The following FAM135B variants were observed in gnomAD, a reference collection of about 807,000 sequenced individuals.
FAM135B encodes the protein family with sequence similarity 135 member B.
FAM135B carries 43 observed loss-of-function variants against 127.7 expected under a neutral mutation model. The observed-to-expected ratio is 0.34, with a 90% CI of 0.26 to 0.43. FAM135B has a LOEUF of 0.43. Among genes scored for constraint, FAM135B ranks in the 20% least tolerant of loss-of-function variants. The pLI, the probability that FAM135B is intolerant of heterozygous loss-of-function variation, is 1.00. For missense variants in FAM135B, 1,558 were observed against 1,725.6 expected (o/e 0.90, Z 1.72); for synonymous variants, 670 against 665.1 (o/e 1.01, Z -0.11).
chr8:138,473,830 C>CAGAG lies in FAM135B; in HGVS notation c.-20+22837_-20+22840dup, dbSNP rs35738290. On this transcript the variant is annotated intron_variant, in intron 1 of 19. Transcript: ENST00000395297. ...ATTTTTTATCCACTCATATGAGAGA[C>CAGAG]AGAGAGAGAGAGAGAGAGAGAGACT... 2.2e-4 allele frequency among the ~76,000 whole-genome samples: 32 copies of CAGAG among 148,316 alleles called. 1 individual carries two copies. In the South Asian group the frequency reaches 3.2e-3, roughly 15 times the overall value.
In FAM135B at chr8:138,151,598, T is replaced by C. The variant is rs1818154252; in HGVS notation, c.2877A>G (p.Ser959=). Residue 959 remains serine, a synonymous_variant, in exon 13 of 20, where the codon TCA becomes TCG. Transcript: ENST00000395297. ...NSTGQQSQSG[S]PCIMDDTAFN... Reference sequence around the variant, plus strand: ...ATGCTGTGTCATCCATAATGCAAGGTGAACCGCTTTGGCTTTGCTGGCCTG... The same window carrying C: ...ATGCTGTGTCATCCATAATGCAAGGCGAACCGCTTTGGCTTTGCTGGCCTG... The C allele has an allele frequency of 6.2e-7, 1 of 1,614,070 alleles. No individual in the cohort carries two copies. The highest frequency in any genetic ancestry group is 1.3e-5 in the African/African-American group (1 of 74,932).
intron 12 of FAM135B, 65 bp downstream of exon 12, chr8:138,167,830 T>A (rs1586665447): frequency 4.0e-6 from 6 of 1,509,280 alleles, no homozygotes; most frequent in Non-Finnish European, 5.4e-6. Flanking sequence ...AAACAAACTG[T>A]GCCATTGTCA....
At chr8:138,332,123 G>C (rs115366914) in intron 2 of FAM135B, among the ~76,000 whole-genome samples, 1 of 152,150 alleles carries the variant, frequency 6.6e-6, no homozygotes, top group Non-Finnish European at 1.5e-5. Context: ...CAAGGCTTAG[G>C]ATAGTACATC....
At chr8:138,328,256 A>C (rs1827942450) in intron 2 of FAM135B, among the ~76,000 whole-genome samples, 1 of 152,188 alleles carries the variant, frequency 6.6e-6, no homozygotes. Context: ...TTACAACTCT[A>C]AATGAATGCT....
intron 3 of FAM135B, 122 bp from the exon 4 acceptor site, chr8:138,265,964 G>A (rs1038547722): frequency 5.4e-5 from 55 of 1,017,954 alleles, no homozygotes; most frequent in Non-Finnish European, 7.2e-5. Context: ...AATTTCCAAA[G>A]CTTAAAATCA....
intron 9 of FAM135B, among the ~76,000 whole-genome samples, chr8:138,186,592 T>C (rs955143357): frequency 1.3e-5 from 2 of 151,874 alleles, no homozygotes; most frequent in African/African-American, 2.4e-5. Context: ...AACCAAGGAG[T>C]AGGCGGAAGC....
chr8:138,395,113 C>T (rs1832781183), intron 1 of FAM135B, among the ~76,000 whole-genome samples: 1 of 152,192 alleles, frequency 6.6e-6, no homozygotes, highest in South Asian at 2.1e-4. Flanking sequence ...TGCCTTTCTC[C>T]ACGCCTGTGA....
chr8:138,435,074 G>A (rs575954208), intron 1 of FAM135B, among the ~76,000 whole-genome samples: 40 of 152,320 alleles, frequency 2.6e-4, no homozygotes, highest in African/African-American at 7.0e-4. Context: ...TTGGGAGGCC[G>A]AGGCGGGTGG....
intron 1 of FAM135B, among the ~76,000 whole-genome samples, chr8:138,376,653 T>C (rs1831493556): frequency 6.6e-6 from 1 of 152,226 alleles, no homozygotes; most frequent in Non-Finnish European, 1.5e-5. Context: ...TTCCACAACA[T>C]GTGATCTTTC....
chr8:138,428,397 T>C (rs1164808235), intron 1 of FAM135B, among the ~76,000 whole-genome samples: 23 of 152,092 alleles, frequency 1.5e-4, no homozygotes, highest in Admixed American at 1.5e-3. Flanking sequence ...GATCCAGACA[T>C]CAAGCTGTCT....
At chr8:138,168,129 G>A (rs1043989161) in intron 11 of FAM135B, 80 bp from the exon 12 acceptor site, 3 of 1,454,060 alleles carry the variant, frequency 2.1e-6, no homozygotes, top group African/African-American at 2.9e-5. Flanking sequence ...CTAATCCCGG[G>A]AAAATACTCG....
At chr8:138,476,658 C>G (rs1052005095) in intron 1 of FAM135B, among the ~76,000 whole-genome samples, 4 of 152,062 alleles carry the variant, frequency 2.6e-5, no homozygotes, top group African/African-American at 7.2e-5. Context: ...AAAATATAAT[C>G]AGTATAACCC....
intron 1 of FAM135B, among the ~76,000 whole-genome samples, chr8:138,490,502 G>C (rs534384857): frequency 6.6e-6 from 1 of 152,288 alleles, no homozygotes; most frequent in East Asian, 1.9e-4. Flanking sequence ...ACAGACAGAC[G>C]GGTGGATAAG....
chr8:138,266,833 T>C (rs1327055617), intron 3 of FAM135B, among the ~76,000 whole-genome samples: 1 of 149,222 alleles, frequency 6.7e-6, no homozygotes, highest in Non-Finnish European at 1.5e-5. Context: ...TGCGTATATA[T>C]ACATACTAAA....
At chr8:138,233,238 C>A (rs1820031406) in intron 7 of FAM135B, among the ~76,000 whole-genome samples, 1 of 152,062 alleles carries the variant, frequency 6.6e-6, no homozygotes, top group African/African-American at 2.4e-5. Flanking sequence ...ATATATAGAC[C>A]AACTGAATCA....
chr8:138,390,827 G>A (rs1832526440), intron 1 of FAM135B, among the ~76,000 whole-genome samples: 1 of 152,110 alleles, frequency 6.6e-6, no homozygotes. Flanking sequence ...GCACTCTATG[G>A]CAGTGTTAGA....
rs550894465 is a variant in FAM135B, at chr8:138,239,908, C to T, written c.669+3034G>A. Among the ~76,000 whole-genome samples the T allele has an allele frequency of 2.7e-5, 4 of 149,830 alleles. No homozygotes were observed. The South Asian group carries it at 8.4e-4, about 32-fold the overall frequency. On this transcript the variant is annotated intron_variant, in intron 7 of 19. Coordinates refer to ENST00000395297, the MANE Select transcript of FAM135B (RefSeq NM_015912.4). ...GCAAACTATTGCAAGGACAAAAAAC[C>T]AAACACCGCATGTTCTCACTCATAG...
chr8:138,300,134 A>C lies in FAM135B; in HGVS notation c.157+10707T>G, dbSNP rs188105179. Reference sequence around the variant, plus strand: ...AGGCACTATTTTTTAAAGGGCTCTAAGGGATCCAGTGTGGGGTGTATGGAA... The same window carrying C: ...AGGCACTATTTTTTAAAGGGCTCTACGGGATCCAGTGTGGGGTGTATGGAA... On this transcript the variant is annotated intron_variant, in intron 3 of 19. Coordinates refer to ENST00000395297, the MANE Select transcript of FAM135B (RefSeq NM_015912.4). Among the ~76,000 whole-genome samples, 544 of 152,144 alleles carry C rather than the reference A, an allele frequency of 3.6e-3. 4 individuals are homozygous for C. The highest frequency in any genetic ancestry group is 0.012 in the African/African-American group (500 of 41,508).
At chr8:138,179,884 T>C (rs563573399) in intron 9 of FAM135B, among the ~76,000 whole-genome samples, 48 of 152,258 alleles carry the variant, frequency 3.2e-4, no homozygotes, top group African/African-American at 1.1e-3. Flanking sequence ...TCTCACTGTG[T>C]TGCCCAGGCT....
Sources: allele counts gnomAD v4.1 joint callset (sites outside exome capture counted in the v4.1 genomes callset), GRCh38; gene constraint gnomAD v4.1.1; transcripts MANE v1.5; gene names NCBI Gene and HGNC (gene_info 2026-07-23, HGNC 2026-07-21).